The following ASAP2 variants were observed in gnomAD, a reference collection of about 807,000 sequenced individuals.
ASAP2 encodes the protein arf-GAP with SH3 domain, ANK repeat and PH domain-containing protein 2.
ASAP2 carries 45 observed loss-of-function variants against 131.4 expected under a neutral mutation model. The ratio of observed to expected loss-of-function variants is 0.34; its 90% CI spans 0.27 to 0.44. The LOEUF is 0.44. Ranked by LOEUF, ASAP2 falls within the 20% of genes least tolerant of loss-of-function variation. ASAP2 has a pLI of 1.00. For missense variants in ASAP2, 1,011 were observed against 1,297.0 expected (o/e 0.78, Z 3.39); for synonymous variants, 510 against 503.0 (o/e 1.01, Z -0.19).
chr2:9,271,528 C>T, intron 1 of ASAP2: 1 of 1,533,214 alleles, frequency 6.5e-7, no homozygotes, highest in Non-Finnish European at 9.0e-7. Flanking sequence ...CTGTTGAATT[C>T]TTATATGGAT....
At chr2:9,350,983 G>A (rs893229762) in intron 12 of ASAP2, 88 bp downstream of exon 12, 3 of 1,016,512 alleles carry the variant, frequency 3.0e-6, no homozygotes, top group Middle Eastern at 2.8e-4. Context: ...CACTGCATTC[G>A]GAAGAATTGG....
rs142826187 is a variant in ASAP2, at chr2:9,320,350, G to A, written c.470+13G>A. On this transcript the variant is annotated intron_variant, in intron 5 of 27. Coordinates refer to ENST00000281419, the MANE Select transcript of ASAP2 (RefSeq NM_003887.3). Reference sequence around the variant, plus strand: ...ATGAAACAAAAATGTGAGTGTTCTCGTTTTTAAATTTACGTATAGGTAATT... The same window carrying A: ...ATGAAACAAAAATGTGAGTGTTCTCATTTTTAAATTTACGTATAGGTAATT... 407 of 1,606,200 alleles carry A rather than the reference G, an allele frequency of 2.5e-4. No homozygotes were observed. The African/African-American group carries it at 4.3e-3, about 17-fold the overall frequency.
intron 15 of ASAP2, among the ~76,000 whole-genome samples, chr2:9,367,300 T>A (rs909509222): frequency 6.6e-6 from 1 of 151,794 alleles, no homozygotes; most frequent in African/African-American, 2.4e-5. Context: ...CCCAAAGTGG[T>A]AGGAATACAG....
chr2:9,367,182 C>T (rs191086819), intron 15 of ASAP2, among the ~76,000 whole-genome samples: 4 of 151,958 alleles, frequency 2.6e-5, no homozygotes, highest in African/African-American at 4.8e-5. Flanking sequence ...AGGTGCACGC[C>T]GCCATGCCTG....
chr2:9,326,567 C>T (rs576818092), intron 6 of ASAP2, among the ~76,000 whole-genome samples: 13 of 152,108 alleles, frequency 8.5e-5, no homozygotes, highest in African/African-American at 2.6e-4. Context: ...AATTAAAAAT[C>T]GCCCCCAAAT....
intron 9 of ASAP2, among the ~76,000 whole-genome samples, chr2:9,339,714 A>G (rs182068818): frequency 3.0e-4 from 45 of 152,046 alleles, no homozygotes; most frequent in African/African-American, 1.1e-3. Flanking sequence ...CTCTGGCCCT[A>G]TGTCTTCATG....
intron 15 of ASAP2, among the ~76,000 whole-genome samples, chr2:9,364,479 T>C (rs182487655): frequency 6.6e-6 from 1 of 152,330 alleles, no homozygotes; most frequent in Non-Finnish European, 1.5e-5. Context: ...CTCTCCAGCC[T>C]GGGTGACAGA....
Position 9,319,125 on chromosome 2 carries a change from G to A in ASAP2, c.420+527G>A, listed in dbSNP as rs78705158. On this transcript the variant is annotated intron_variant, in intron 4 of 27. Transcript: ENST00000281419. ...TAAGGGGGCAGCAGACGGGGCTGGA[G>A]GGGCGTTTGCTCATGAGCACGCAGG... is the stretch of plus-strand genomic sequence containing the variant. Among the ~76,000 whole-genome samples, 1,481 of 152,234 alleles carry A rather than the reference G, an allele frequency of 9.7e-3. 29 individuals are homozygous for A. The highest frequency in any genetic ancestry group is 0.034 in the African/African-American group (1,407 of 41,534).
intron 1 of ASAP2, among the ~76,000 whole-genome samples, chr2:9,209,177 A>G (rs1176807519): frequency 6.6e-6 from 1 of 152,242 alleles, no homozygotes; most frequent in Admixed American, 6.5e-5. Context: ...AATTGGTTCA[A>G]GTCTCAAAAT....
intron 3 of ASAP2, among the ~76,000 whole-genome samples, chr2:9,313,090 TTGAG>T (rs1669413727): frequency 6.6e-6 from 1 of 151,978 alleles, no homozygotes; most frequent in South Asian, 2.1e-4. Flanking sequence ...CAATTGGTTG[TTGAG>T]TGTCTCATTG....
At chr2:9,269,486 G>A (rs1274052465) in intron 1 of ASAP2, among the ~76,000 whole-genome samples, 2 of 152,214 alleles carry the variant, frequency 1.3e-5, no homozygotes, top group African/African-American at 4.8e-5. Context: ...TGGAGGCCCT[G>A]TAGGGTTCTG....
chr2:9,382,295 A>G (rs1216158624), intron 20 of ASAP2, among the ~76,000 whole-genome samples: 2 of 152,142 alleles, frequency 1.3e-5, no homozygotes, highest in Non-Finnish European at 2.9e-5. Context: ...GTCTCATTTA[A>G]TCTTCATAGC....
At chr2:9,267,796 G>A (rs1381635743) in intron 1 of ASAP2, among the ~76,000 whole-genome samples, 4 of 150,456 alleles carry the variant, frequency 2.7e-5, no homozygotes, top group Non-Finnish European at 5.9e-5. Flanking sequence ...TACTCAGAAG[G>A]CTGAGGCCTG....
chr2:9,313,043 A>C lies in ASAP2; in HGVS notation c.346-5481A>C, dbSNP rs751473795. 9.3e-4 allele frequency among the ~76,000 whole-genome samples: 142 copies of C among 152,136 alleles called. 1 individual carries two copies. Among genetic ancestry groups the C allele is most frequent in the Non-Finnish European group, 1.0e-3 (70 of 68,018 alleles). ...CACTGCACACCCGCCTGGGCAACAG[A>C]GTGAAACTGTGTCTTAAAAAATAAA... On this transcript the variant is annotated intron_variant, in intron 3 of 27. Coordinates refer to ENST00000281419, the MANE Select transcript of ASAP2 (RefSeq NM_003887.3).
chr2:9,331,755 GA>G lies in ASAP2; in HGVS notation c.687-2982del, dbSNP rs1670857514. Among the ~76,000 whole-genome samples, 5 of 149,548 alleles carry G rather than the reference GA, an allele frequency of 3.3e-5. No homozygotes were observed. The South Asian group carries it at 1.1e-3, about 32-fold the overall frequency. On this transcript the variant is annotated intron_variant, in intron 7 of 27. Coordinates refer to ENST00000281419, the MANE Select transcript of ASAP2 (RefSeq NM_003887.3). ...TGCACCCCAGCCTGGGCGACAGAGC[GA>G]TTTTTTTTTTTCAAAAAAAATACAA...
At position 9,311,810 on chromosome 2, in the gene ASAP2, T is replaced by G. The variant is rs564147030; in HGVS notation, c.346-6714T>G. Among the ~76,000 whole-genome samples, 1 of 152,262 alleles carries G rather than the reference T, an allele frequency of 6.6e-6. No homozygotes were observed. Among genetic ancestry groups the G allele is most frequent in the East Asian group, 1.9e-4 (1 of 5,168 alleles). On this transcript the variant is annotated intron_variant, in intron 3 of 27. Transcript: ENST00000281419. This position sits in a 1 kb window ranked among gnomAD's most constrained non-coding sequence, Gnocchi z 5.2. Reference sequence around the variant, plus strand: ...AGAAGCGCGTCTGGCCCCCACGCACTTGTTCTCTGGCCCAGACAGAGACCA... The same window carrying G: ...AGAAGCGCGTCTGGCCCCCACGCACGTGTTCTCTGGCCCAGACAGAGACCA...
intron 1 of ASAP2, among the ~76,000 whole-genome samples, chr2:9,274,593 G>A (rs1572325964): frequency 6.6e-6 from 1 of 151,992 alleles, no homozygotes; most frequent in Admixed American, 6.6e-5. Flanking sequence ...AAAGTGCTGG[G>A]ATTACAGGCA....
chr2:9,353,259 C>A (rs1406629358), intron 12 of ASAP2, among the ~76,000 whole-genome samples: 1 of 152,130 alleles, frequency 6.6e-6, no homozygotes, highest in Non-Finnish European at 1.5e-5. Context: ...TTTGAACTCT[C>A]AAGATGCTTT....
In ASAP2 at chr2:9,268,930, G is replaced by A. The variant is rs898932754; in HGVS notation, c.127-10387G>A. ...CGCATTGAGAACTCAGGGTGCTGGG[G>A]ACAAACCGGTGCTGTGCTGCCTGCA... On this transcript the variant is annotated intron_variant, in intron 1 of 27. Coordinates refer to ENST00000281419, the MANE Select transcript of ASAP2 (RefSeq NM_003887.3). This position sits in a 1 kb window ranked among gnomAD's most constrained non-coding sequence, Gnocchi z 4.1. Among the ~76,000 whole-genome samples, 13 of 152,128 alleles carry A rather than the reference G, an allele frequency of 8.5e-5. No individual in the cohort carries two copies. Among genetic ancestry groups the A allele is most frequent in the African/African-American group, 3.1e-4 (13 of 41,414 alleles).
Sources: allele counts gnomAD v4.1 joint callset (sites outside exome capture counted in the v4.1 genomes callset), GRCh38; gene constraint gnomAD v4.1.1; non-coding constraint Gnocchi (gnomAD v3.1); transcripts MANE v1.5; gene names NCBI Gene and HGNC (gene_info 2026-07-23, HGNC 2026-07-21).